GALNT17: variants seen among roughly 807,000 people sequenced by gnomAD.
GALNT17 encodes polypeptide N-acetylgalactosaminyltransferase 17, also known as UDP-GalNAc:polypeptide N-acetylgalactosaminyltransferase-like 3.
GALNT17 carries 29 observed loss-of-function variants against 63.7 expected under a neutral mutation model. The observed-to-expected ratio is 0.46, with a 90% CI of 0.34 to 0.62. The LOEUF (loss-of-function observed/expected upper bound fraction) is 0.62. Among genes scored for constraint, GALNT17 ranks in the 20% least tolerant of loss-of-function variants. GALNT17 has a pLI of 0.01. For synonymous variants in GALNT17, 305 were observed against 318.3 expected, an observed-to-expected ratio of 0.96 and a Z score of 0.45; for missense variants, 603 against 799.6, an observed-to-expected ratio of 0.75 and a Z score of 2.97.
chr7:71,567,463 TTTTG>T lies in GALNT17; in HGVS notation c.963-3805_963-3802del, dbSNP rs924409105. On this transcript the variant is annotated intron_variant, in intron 5 of 10. Transcript: ENST00000333538. ...ACACAACAATACCCTGTAGAGATTT[TTTTG>T]TTTGTTTGTTTGTTTGAGACGGAGT... 4.6e-4 allele frequency among the ~76,000 whole-genome samples: 70 copies of T among 152,322 alleles called. No homozygotes were observed. In the South Asian group the frequency reaches 0.012, roughly 26 times the overall value.
intron 5 of GALNT17, among the ~76,000 whole-genome samples, chr7:71,485,330 C>T (rs759352451): frequency 6.6e-6 from 1 of 152,126 alleles, no homozygotes; most frequent in Non-Finnish European, 1.5e-5. Context: ...CTCTTGGGCT[C>T]AAGCAATCAT....
chr7:71,428,982 C>T (rs1786811833), intron 5 of GALNT17, among the ~76,000 whole-genome samples: 1 of 152,236 alleles, frequency 6.6e-6, no homozygotes, highest in Admixed American at 6.5e-5. Flanking sequence ...TCGTCCCTCC[C>T]TTCAGGTACA....
At chr7:71,393,220 CTG>C (rs1793081228) in intron 3 of GALNT17, among the ~76,000 whole-genome samples, 1 of 152,060 alleles carries the variant, frequency 6.6e-6, no homozygotes, top group Non-Finnish European at 1.5e-5. Flanking sequence ...GAAGCATACT[CTG>C]TTTTTTTTGC....
intron 5 of GALNT17, among the ~76,000 whole-genome samples, chr7:71,518,889 C>G (rs1479724771): frequency 6.6e-6 from 1 of 152,128 alleles, no homozygotes. Flanking sequence ...TTAATTTCTC[C>G]CTTCTCACAT....
At chr7:71,359,568 A>C (rs1002641428) in intron 2 of GALNT17, among the ~76,000 whole-genome samples, 1 of 151,644 alleles carries the variant, frequency 6.6e-6, no homozygotes, top group Non-Finnish European at 1.5e-5. Flanking sequence ...AAAACATAGC[A>C]TATAACTACT....
At chr7:71,316,903 A>C (rs1791510743) in intron 1 of GALNT17, among the ~76,000 whole-genome samples, 1 of 152,210 alleles carries the variant, frequency 6.6e-6, no homozygotes, top group South Asian at 2.1e-4. Context: ...CACCAAAAAC[A>C]ATACATTCAG....
chr7:71,143,928 G>T (rs1787965997), intron 1 of GALNT17, among the ~76,000 whole-genome samples: 1 of 151,682 alleles, frequency 6.6e-6, no homozygotes, highest in Admixed American at 6.6e-5. Context: ...GGTGTTGCTG[G>T]CGTGGCTGGC....
At chr7:71,404,661 A>C (rs149817313) in intron 3 of GALNT17, among the ~76,000 whole-genome samples, 63 of 152,362 alleles carry the variant, frequency 4.1e-4, no homozygotes, top group African/African-American at 1.5e-3. Context: ...CCCATGCCAT[A>C]GTGGCAAGGC....
intron 5 of GALNT17, among the ~76,000 whole-genome samples, chr7:71,441,451 G>GT (rs1184752856): frequency 1.3e-5 from 2 of 151,994 alleles, no homozygotes; most frequent in African/African-American, 2.4e-5. Flanking sequence ...ACCCTCCACA[G>GT]TTTTTTTTCT....
At chr7:71,621,500 T>TGG (rs1562713180) in intron 6 of GALNT17, among the ~76,000 whole-genome samples, 6 of 123,826 alleles carry the variant, frequency 4.8e-5, no homozygotes, top group African/African-American at 1.7e-4. Context: ...GATTGATGGA[T>TGG]AGATGGATGG....
chr7:71,133,152 C>T lies in GALNT17; in HGVS notation c.238+112C>T, dbSNP rs898689055. 8.9e-6 allele frequency: 8 copies of T among 903,136 alleles called. No individual in the cohort carries two copies. In the African/African-American group the frequency reaches 1.1e-4, roughly 12 times the overall value. The allele number at this position is 903,136 out of a possible 1,614,324, so 55.9% of individuals were successfully genotyped here. A position where few individuals can be genotyped will look rare whatever the true frequency, so the allele number is the denominator to read the frequency against. The stretch of plus-strand genomic sequence containing the variant: ...GTGCCTGGGAGCCGGCACACCCTGG[C>T]TCCCGCGCGCTCCTTCTTACCCTTC... On this transcript the variant is annotated intron_variant, in intron 1 of 10. Transcript: ENST00000333538.
At chr7:71,141,043 C>T (rs557387991) in intron 1 of GALNT17, among the ~76,000 whole-genome samples, 1 of 150,968 alleles carries the variant, frequency 6.6e-6, no homozygotes, top group Non-Finnish European at 1.5e-5. Context: ...AACCCCCAAA[C>T]CAGTGTATTA....
At chr7:71,206,828 G>A (rs955196827) in intron 1 of GALNT17, among the ~76,000 whole-genome samples, 1 of 152,078 alleles carries the variant, frequency 6.6e-6, no homozygotes, top group Non-Finnish European at 1.5e-5. Flanking sequence ...TCAGTAGGCC[G>A]GGCGTGGTGG....
intron 1 of GALNT17, among the ~76,000 whole-genome samples, chr7:71,329,968 T>TACAC (rs1388595677): frequency 0.015 from 1,064 of 68,952 alleles, 24 homozygotes; most frequent in African/African-American, 0.048. Flanking sequence ...TGTATATATA[T>TACAC]ACGTATATGT....
chr7:71,665,602 G>A lies in GALNT17; in HGVS notation c.1266+6G>A, dbSNP rs756083284. 6.2e-7 allele frequency: 1 copy of A among 1,611,374 alleles called. No individual in the cohort carries two copies. The highest frequency in any genetic ancestry group is 2.2e-5 in the East Asian group (1 of 44,652). ...CGTGGAACCTGCCGCTGGAGGTAGG[G>A]ATCACCAGCCTTTCCCCACCACCCC... On this transcript the variant is annotated splice_donor_region_variant and intron_variant, in intron 7 of 10. Transcript: ENST00000333538.
intron 1 of GALNT17, among the ~76,000 whole-genome samples, chr7:71,214,845 T>C (rs1314091667): frequency 6.6e-6 from 1 of 152,194 alleles, no homozygotes; most frequent in Non-Finnish European, 1.5e-5. Flanking sequence ...CCCAAAGTGC[T>C]GGGATTACAG....
At chr7:71,450,873 A>C (rs940556865) in intron 5 of GALNT17, among the ~76,000 whole-genome samples, 4 of 151,346 alleles carry the variant, frequency 2.6e-5, no homozygotes, top group Non-Finnish European at 5.9e-5. Flanking sequence ...TAAACTTTTA[A>C]ATTTTATTTT....
chr7:71,254,297 G>A (rs1790251778), intron 1 of GALNT17, among the ~76,000 whole-genome samples: 1 of 152,174 alleles, frequency 6.6e-6, no homozygotes, highest in South Asian at 2.1e-4. Context: ...AGGCTTCAGA[G>A]CTCTTATTGG....
At chr7:71,145,256 C>T (rs1389539788) in intron 1 of GALNT17, among the ~76,000 whole-genome samples, 6 of 152,054 alleles carry the variant, frequency 3.9e-5, no homozygotes, top group Admixed American at 2.0e-4. Flanking sequence ...ACCTTGTTAT[C>T]CATGGAGCAG....
Sources: gnomAD v4.1 joint callset for allele counts (sites outside exome capture counted in the v4.1 genomes callset) on GRCh38, gnomAD v4.1.1 for gene constraint, MANE v1.5 for transcripts, NCBI Gene and HGNC (gene_info 2026-07-23, HGNC 2026-07-21) for gene names.